Variants in SYT12 observed in about 807,000 individuals in gnomAD.
The protein encoded by SYT12 is synaptotagmin-12.
In SYT12, 27 loss-of-function variants were observed where a neutral mutation model predicts 39.5. The observed-to-expected ratio is 0.68, with a 90% CI of 0.50 to 0.94. The LOEUF (loss-of-function observed/expected upper bound fraction) is 0.94. Ranked by LOEUF, SYT12 falls within the 40% of genes least tolerant of loss-of-function variation. The pLI is 0.00. For missense variants in SYT12, 536 were observed against 572.6 expected, an observed-to-expected ratio of 0.94 and a Z score of 0.65; for synonymous variants, 233 against 239.7, an observed-to-expected ratio of 0.97 and a Z score of 0.26.
At chr11:67,048,268 CAAA>C (rs562190914) in intron 7 of SYT12, among the ~76,000 whole-genome samples, 6 of 82,834 alleles carry the variant, frequency 7.2e-5, no homozygotes, top group Non-Finnish European at 5.2e-5. Context: ...GAGACTGTCT[CAAA>C]AAAAAAAAAA....
chr11:67,022,213 T>C (rs1013695829), upstream of SYT12, among the ~76,000 whole-genome samples: 2 of 152,090 alleles, frequency 1.3e-5, no homozygotes, highest in African/African-American at 2.4e-5. Context: ...AGACCCAGCC[T>C]CCACTGAGAG....
Position 67,048,451 on chromosome 11 carries a change from G to A in SYT12, c.1093-133G>A, listed in dbSNP as rs576085819. 58 of 925,298 alleles carry A rather than the reference G, an allele frequency of 6.3e-5. No homozygotes were observed. In the African/African-American group the frequency reaches 9.4e-4, roughly 15 times the overall value. The allele number at this position is 925,298 out of a possible 1,614,324, so 57.3% of individuals were successfully genotyped here. A position where few individuals can be genotyped will look rare whatever the true frequency, so the allele number is the denominator to read the frequency against. On this transcript the variant is annotated intron_variant, in intron 7 of 7. Transcript: ENST00000527043. Reference sequence around the variant, plus strand: ...CTGGGGCAAGTCTCCTCACCTCTTAGATCAGAGGTGAGGATTCAGGGAGCT... The same window carrying A: ...CTGGGGCAAGTCTCCTCACCTCTTAAATCAGAGGTGAGGATTCAGGGAGCT...
At chr11:67,019,378 A>G (rs1464308104), upstream of SYT12, among the ~76,000 whole-genome samples, 1 of 152,028 alleles carries the variant, frequency 6.6e-6, no homozygotes, top group East Asian at 1.9e-4. Flanking sequence ...AGATTCAGGC[A>G]GGAGAATCGC....
intron 1 of SYT12, chr11:67,028,278 C>G (rs192132945): frequency 1.3e-4 from 20 of 152,312 alleles, no homozygotes; most frequent in Admixed American, 3.3e-4. Flanking sequence ...ATCATTATCT[C>G]CAGCCCAGGC....
upstream of SYT12, chr11:67,022,789 G>C (rs926284576): frequency 6.6e-6 from 1 of 152,270 alleles, no homozygotes; most frequent in African/African-American, 2.4e-5. Flanking sequence ...TAAGGCACCA[G>C]CACAGAGCTG....
intron 4 of SYT12, among the ~76,000 whole-genome samples, chr11:67,041,476 TAATA>T (rs974617570): frequency 6.6e-6 from 1 of 151,914 alleles, no homozygotes; most frequent in East Asian, 1.9e-4. Flanking sequence ...GTCTCAAAAA[TAATA>T]AATAAATAAA....
upstream of SYT12, among the ~76,000 whole-genome samples, chr11:67,020,652 T>G (rs1950099579): frequency 6.6e-6 from 1 of 152,172 alleles, no homozygotes; most frequent in African/African-American, 2.4e-5. Context: ...GTTTTGCTTG[T>G]CTTTGAACCT....
intron 3 of SYT12, 50 bp downstream of exon 3, chr11:67,034,888 T>G: frequency 7.2e-7 from 1 of 1,398,592 alleles, no homozygotes; most frequent in South Asian, 1.6e-5. Context: ...CCCATGCCCC[T>G]ACCATCCACT....
intron 3 of SYT12, among the ~76,000 whole-genome samples, chr11:67,035,263 C>T (rs1439320379): frequency 2.6e-5 from 4 of 151,308 alleles, no homozygotes; most frequent in Non-Finnish European, 5.9e-5. Context: ...CCTGCCTCGA[C>T]CTCCCAAAGT....
chr11:67,044,641 A>G lies in SYT12; in HGVS notation c.886A>G (p.Thr296Ala). ...EILLSLSYLPTAERLTVVVVK... is the reference protein window; with the variant it reads ...EILLSLSYLPAAERLTVVVVK... Reference sequence around the variant, plus strand: ...CCTGCTCTCCCTCAGCTACCTCCCCACAGCCGAGCGCCTCACCGTGGTCGT... The same window carrying G: ...CCTGCTCTCCCTCAGCTACCTCCCCGCAGCCGAGCGCCTCACCGTGGTCGT... The change falls in exon 6 of 8, where the codon ACA (threonine) becomes GCA (alanine). Residue 296 changes from threonine to alanine, a missense_variant. Transcript: ENST00000527043. The G allele has an allele frequency of 6.2e-7, 1 of 1,613,372 alleles. No homozygotes were observed.
chr11:67,034,493 A>G, intron 2 of SYT12, 152 bp from the exon 3 acceptor site: 2 of 620,034 alleles, frequency 3.2e-6, no homozygotes, highest in Admixed American at 4.2e-5. Context: ...AACACAGGAA[A>G]GTGTATGTCT....
At chr11:67,028,699 G>A (rs1950214850) in intron 1 of SYT12, 2 of 152,342 alleles carry the variant, frequency 1.3e-5, no homozygotes, top group Admixed American at 6.5e-5. Flanking sequence ...CACTCCCCAA[G>A]GACTTTTTAT....
chr11:67,045,183 C>A (rs1565343673), intron 6 of SYT12, among the ~76,000 whole-genome samples: 3 of 151,908 alleles, frequency 2.0e-5, no homozygotes, highest in African/African-American at 2.4e-5. Flanking sequence ...AGTCCCCAGT[C>A]CCTCTCAAAG....
chr11:67,020,300 G>A (rs1950096265), upstream of SYT12, among the ~76,000 whole-genome samples: 1 of 152,176 alleles, frequency 6.6e-6, no homozygotes, highest in Admixed American at 6.5e-5. Flanking sequence ...AAGGCCAGAA[G>A]GCCCAGGAGG....
chr11:67,035,607 G>A (rs567465693), intron 3 of SYT12, among the ~76,000 whole-genome samples: 10 of 150,692 alleles, frequency 6.6e-5, no homozygotes, highest in Admixed American at 2.0e-4. Context: ...ACAGGCACCC[G>A]CCACCATGCC....
chr11:67,020,257 C>T (rs1950095871), upstream of SYT12, among the ~76,000 whole-genome samples: 1 of 152,170 alleles, frequency 6.6e-6, no homozygotes, highest in Admixed American at 6.5e-5. Context: ...AGGGAGAGTC[C>T]CTGAGGCGGA....
At chr11:67,040,636 G>A (rs1001714241) in intron 4 of SYT12, among the ~76,000 whole-genome samples, 9 of 152,080 alleles carry the variant, frequency 5.9e-5, no homozygotes, top group Non-Finnish European at 1.3e-4. Context: ...TCAGGAGATC[G>A]AGACCATCCT....
chr11:67,028,138 C>G (rs187391448), intron 1 of SYT12: 2 of 152,254 alleles, frequency 1.3e-5, no homozygotes, highest in Admixed American at 1.3e-4. Flanking sequence ...GACTCTCACC[C>G]GCAAACCAGA....
Position 67,030,136 on chromosome 11 carries a change from G to A in SYT12, c.-9G>A. 6.2e-7 allele frequency: 1 copy of A among 1,613,960 alleles called. No homozygotes were observed. Among genetic ancestry groups the A allele is most frequent in the Non-Finnish European group, 8.5e-7 (1 of 1,180,018 alleles). On this transcript the variant is annotated 5_prime_UTR_variant, in exon 2 of 8. Transcript: ENST00000527043. ...TTCCCTTCCAGTCACAGTCACTGCA[G>A]CAGACATCATGGCTGTGGATGTGGC...
Sources: gnomAD v4.1 joint callset for allele counts (sites outside exome capture counted in the v4.1 genomes callset) on GRCh38, gnomAD v4.1.1 for gene constraint, MANE v1.5 for transcripts, NCBI Gene and HGNC (gene_info 2026-07-23, HGNC 2026-07-21) for gene names.